TNS1: variants seen among roughly 807,000 people sequenced by gnomAD.
The protein encoded by TNS1 is tensin-1.
A neutral mutation model predicts 168.6 loss-of-function variants in TNS1; 62 were observed. That is an observed-to-expected ratio of 0.37 (90% CI 0.30 to 0.45). TNS1 has a LOEUF of 0.45. TNS1 is among the 20% of genes least tolerant of loss of function. TNS1 has a pLI of 1.00. For synonymous variants in TNS1, 934 were observed against 933.2 expected (o/e 1.00, Z -0.02); for missense variants, 2,240 against 2,339.4 (o/e 0.96, Z 0.88).
At chr2:217,837,257 A>G (rs1399906065) in intron 19 of TNS1, among the ~76,000 whole-genome samples, 2 of 152,168 alleles carry the variant, frequency 1.3e-5, no homozygotes, top group African/African-American at 4.8e-5. Flanking sequence ...GGAATGTGCC[A>G]GTACAGCCAA....
intron 18 of TNS1, among the ~76,000 whole-genome samples, chr2:217,878,452 C>T (rs1408677423): frequency 6.6e-6 from 1 of 152,166 alleles, no homozygotes; most frequent in East Asian, 1.9e-4. Context: ...GGGCAGGTTA[C>T]TTAACCCCTC....
upstream of TNS1, among the ~76,000 whole-genome samples, chr2:218,015,136 A>G (rs1363381689): frequency 6.6e-6 from 1 of 152,002 alleles, no homozygotes; most frequent in African/African-American, 2.4e-5. Context: ...CAGCTCCCCA[A>G]TATAGTACTG....
chr2:217,964,511 C>T (rs1226744405), intron 3 of TNS1, among the ~76,000 whole-genome samples: 1 of 152,222 alleles, frequency 6.6e-6, no homozygotes. Context: ...TGAGGCGTTT[C>T]CTCCTCTGTG....
upstream of TNS1, among the ~76,000 whole-genome samples, chr2:218,010,892 CTG>C (rs1958700281): frequency 6.6e-6 from 1 of 152,210 alleles, no homozygotes; most frequent in South Asian, 2.1e-4. Flanking sequence ...CGTGGGGACT[CTG>C]TGCACAATCT....
upstream of TNS1, among the ~76,000 whole-genome samples, chr2:218,010,670 A>G (rs892124077): frequency 6.9e-6 from 1 of 144,114 alleles, no homozygotes; most frequent in Non-Finnish European, 1.5e-5. Flanking sequence ...GCGAGGAAGG[A>G]GCAGCAGCCG....
intron 11 of TNS1, among the ~76,000 whole-genome samples, chr2:217,892,410 T>C (rs530374162): frequency 6.6e-6 from 1 of 152,224 alleles, no homozygotes; most frequent in South Asian, 2.1e-4. Context: ...CCATATTCCT[T>C]GTTGAGTGAA....
At chr2:217,872,722 CA>C (rs1467418552) in intron 18 of TNS1, among the ~76,000 whole-genome samples, 3 of 152,190 alleles carry the variant, frequency 2.0e-5, no homozygotes, top group African/African-American at 7.2e-5. Context: ...TAAGTCCACA[CA>C]AAAACTTGCA....
rs555596862 is a variant in TNS1, at chr2:217,995,975, C to T, written c.34-4919G>A. ...TGCAGCCCAGCTTTCCTGCCCGGGC[C>T]GCTCAGCCAGAGGGGTGTGGCACAT... On this transcript the variant is annotated intron_variant, in intron 1 of 32. Coordinates refer to ENST00000682258, the MANE Select transcript of TNS1 (RefSeq NM_001387777.1). The surrounding 1 kb of genome is among the most constrained non-coding windows in gnomAD (Gnocchi z 4.1). Among the ~76,000 whole-genome samples the T allele has an allele frequency of 4.7e-4, 72 of 152,334 alleles. No individual in the cohort carries two copies. Among genetic ancestry groups the T allele is most frequent in the African/African-American group, 1.4e-3 (60 of 41,576 alleles).
At chr2:217,972,928 AG>A (rs67796249) in intron 3 of TNS1, among the ~76,000 whole-genome samples, 4,316 of 152,346 alleles carry the variant, frequency 0.028, 189 homozygotes, top group South Asian at 0.11. Flanking sequence ...TAAAATTAAA[AG>A]TTTTACTTAA....
At chr2:217,877,901 C>T (rs982426722) in intron 18 of TNS1, among the ~76,000 whole-genome samples, 1 of 152,148 alleles carries the variant, frequency 6.6e-6, no homozygotes, top group Non-Finnish European at 1.5e-5. Context: ...CTCCCTGCCC[C>T]CCTCCTCCAA....
chr2:217,810,360 G>A, intron 28 of TNS1, 41 bp from the exon 29 acceptor site: 1 of 1,603,414 alleles, frequency 6.2e-7, no homozygotes, highest in Non-Finnish European at 8.5e-7. Flanking sequence ...CCTAGAGCTG[G>A]AAAGAAGCAC....
rs1175830520 is a variant in TNS1, at chr2:217,948,842, CA to C, written c.187-28607del. Among the ~76,000 whole-genome samples, 1 of 152,206 alleles carries C rather than the reference CA, an allele frequency of 6.6e-6. No homozygotes were observed. The highest frequency in any genetic ancestry group is 1.5e-5 in the Non-Finnish European group (1 of 68,030). ...ATGCATCTGCATTTGCATCCTCTCTCAAAGTGCAGAAATGTGCACAGCGCCA... is the reference window on the plus strand; with the variant it reads ...ATGCATCTGCATTTGCATCCTCTCTCAAGTGCAGAAATGTGCACAGCGCCA... On this transcript the variant is annotated intron_variant, in intron 3 of 32. Transcript: ENST00000682258. The surrounding 1 kb of genome is among the most constrained non-coding windows in gnomAD (Gnocchi z 4.1).
intron 18 of TNS1, among the ~76,000 whole-genome samples, chr2:217,857,302 T>C (rs1948255005): frequency 6.6e-6 from 1 of 152,034 alleles, no homozygotes; most frequent in South Asian, 2.1e-4. Context: ...CCCCTCACTT[T>C]ATAGGCTGAC....
rs528374916 is a variant in TNS1, at chr2:217,921,639, A to G, written c.187-1403T>C. 4.8e-3 allele frequency among the ~76,000 whole-genome samples: 731 copies of G among 152,308 alleles called. 4 individuals are homozygous for G. The highest frequency in any genetic ancestry group is 8.0e-3 in the Non-Finnish European group (542 of 68,020). On this transcript the variant is annotated intron_variant, in intron 3 of 32. Coordinates refer to ENST00000682258, the MANE Select transcript of TNS1 (RefSeq NM_001387777.1). ...CAGTCGGGCTACAGACTCCCTGCCC[A>G]ACTCATTCTCCAGCAAAGAGGCCCA...
chr2:217,957,135 C>T (rs975888736), intron 3 of TNS1, among the ~76,000 whole-genome samples: 1 of 152,192 alleles, frequency 6.6e-6, no homozygotes, highest in African/African-American at 2.4e-5. Context: ...ACCCCCAGGG[C>T]GGCCCGCCCC....
chr2:217,960,232 G>C (rs1957464043), intron 3 of TNS1, among the ~76,000 whole-genome samples: 1 of 152,162 alleles, frequency 6.6e-6, no homozygotes, highest in African/African-American at 2.4e-5. Flanking sequence ...GCTCTTCACA[G>C]CAACCCTGCA....
chr2:217,920,368 T>A, intron 3 of TNS1, 132 bp from the exon 4 acceptor site: 1 of 656,822 alleles, frequency 1.5e-6, no homozygotes. Context: ...GGTTGAGAGT[T>A]CTTCAGCAGA....
chr2:217,937,316 C>G (rs1559375422), intron 3 of TNS1, among the ~76,000 whole-genome samples: 2 of 152,296 alleles, frequency 1.3e-5, no homozygotes, highest in Middle Eastern at 3.4e-3. Context: ...GTGTGCCCAG[C>G]TGGACTCAGC....
At chr2:217,836,314 C>CA in intron 19 of TNS1, 103 bp from the exon 20 acceptor site, 1 of 1,187,300 alleles carries the variant, frequency 8.4e-7, no homozygotes, top group Non-Finnish European at 1.2e-6. Flanking sequence ...AGCTCAGAGG[C>CA]CATGCTGGGG....
Sources: gnomAD v4.1 joint callset for allele counts (sites outside exome capture counted in the v4.1 genomes callset) on GRCh38, gnomAD v4.1.1 for gene constraint, Gnocchi (gnomAD v3.1) non-coding constraint, MANE v1.5 for transcripts, NCBI Gene and HGNC (gene_info 2026-07-23, HGNC 2026-07-21) for gene names.